ABCC1: variants seen among roughly 807,000 people sequenced by gnomAD.
ABCC1 encodes multidrug resistance-associated protein 1.
A neutral mutation model predicts 172.9 loss-of-function variants in ABCC1; 83 were observed. That is an observed-to-expected ratio of 0.48 (90% CI 0.40 to 0.58). ABCC1 has a LOEUF of 0.58. Ranked by LOEUF, ABCC1 falls within the 20% of genes least tolerant of loss-of-function variation. ABCC1 has a pLI of 0.00. For missense variants in ABCC1, 1,817 were observed against 2,002.7 expected (o/e 0.91, Z 1.77); for synonymous variants, 937 against 825.2 (o/e 1.14, Z -2.32).
chr16:16,035,741 C>T (rs1181421875), intron 6 of ABCC1, among the ~76,000 whole-genome samples: 2 of 151,946 alleles, frequency 1.3e-5, no homozygotes, highest in East Asian at 4.0e-4. Flanking sequence ...AAAATCCTCC[C>T]ACCTCGGCCT....
chr16:16,125,058 A>G, intron 25 of ABCC1, 143 bp downstream of exon 25: 1 of 1,202,450 alleles, frequency 8.3e-7, no homozygotes, highest in Non-Finnish European at 1.2e-6. Flanking sequence ...ACAGTGCCAC[A>G]GTGCCTGGTG....
intron 13 of ABCC1, among the ~76,000 whole-genome samples, chr16:16,068,586 C>G (rs2050204208): frequency 1.3e-5 from 2 of 152,200 alleles, no homozygotes; most frequent in African/African-American, 4.8e-5. Flanking sequence ...TTCTCTTCAG[C>G]CTGTTCCTCC....
chr16:15,999,171 GT>G (rs1016866270), intron 1 of ABCC1, among the ~76,000 whole-genome samples: 1 of 151,698 alleles, frequency 6.6e-6, no homozygotes, highest in Non-Finnish European at 1.5e-5. Context: ...TGGCTAATTT[GT>G]TTTTTAATAT....
chr16:16,074,783 G>A (rs1396441111), intron 14 of ABCC1, among the ~76,000 whole-genome samples: 1 of 152,054 alleles, frequency 6.6e-6, no homozygotes, highest in Non-Finnish European at 1.5e-5. Context: ...GTTAATCTAG[G>A]TTAACCAGCA....
intron 19 of ABCC1, among the ~76,000 whole-genome samples, chr16:16,101,680 C>A (rs780568641): frequency 6.6e-6 from 1 of 152,174 alleles, no homozygotes; most frequent in Non-Finnish European, 1.5e-5. Flanking sequence ...AAGAATGAGG[C>A]AGTCAGTGCG....
chr16:15,958,685 A>C (rs1288953870), intron 1 of ABCC1, among the ~76,000 whole-genome samples: 2 of 152,174 alleles, frequency 1.3e-5, no homozygotes, highest in Admixed American at 6.6e-5. Flanking sequence ...TCCTGAGGCA[A>C]GCTTCCCCCC....
chr16:16,098,388 G>T, intron 19 of ABCC1: 1 of 203,176 alleles, frequency 4.9e-6, no homozygotes, highest in South Asian at 9.8e-5. Flanking sequence ...GGAGGCCAAG[G>T]CAGGTGTATC....
chr16:16,029,026 A>T (rs560513812), intron 5 of ABCC1, among the ~76,000 whole-genome samples: 77 of 152,152 alleles, frequency 5.1e-4, no homozygotes, highest in African/African-American at 1.7e-3. Flanking sequence ...GGCACTTGGC[A>T]CTTAACAAAC....
At chr16:15,995,565 G>T (rs561318528) in intron 1 of ABCC1, among the ~76,000 whole-genome samples, 42 of 150,572 alleles carry the variant, frequency 2.8e-4, no homozygotes, top group African/African-American at 9.7e-4. Flanking sequence ...AAGTGAAATT[G>T]TGTGAGAGTG....
intron 3 of ABCC1, among the ~76,000 whole-genome samples, chr16:16,012,362 C>G (rs2047817049): frequency 6.6e-6 from 1 of 152,074 alleles, no homozygotes; most frequent in Admixed American, 6.6e-5. Context: ...AGAGCCTGGC[C>G]CTGTGCCTGG....
intron 15 of ABCC1, among the ~76,000 whole-genome samples, chr16:16,077,184 AAC>A (rs1370850712): frequency 1.3e-5 from 2 of 152,190 alleles, no homozygotes; most frequent in Non-Finnish European, 2.9e-5. Flanking sequence ...GAATCCGCAA[AAC>A]ACAGGGGTGA....
chr16:16,023,753 C>T (rs2048275143), intron 5 of ABCC1, among the ~76,000 whole-genome samples: 1 of 152,076 alleles, frequency 6.6e-6, no homozygotes, highest in Admixed American at 6.6e-5. Context: ...GCCTGGGGCT[C>T]CAGGGCTAGC....
intron 1 of ABCC1, among the ~76,000 whole-genome samples, chr16:15,965,466 G>T (rs1433229072): frequency 6.8e-6 from 1 of 146,654 alleles, no homozygotes; most frequent in Non-Finnish European, 1.5e-5. Context: ...TAATTTTTTT[G>T]TGTTTTTAGT....
At chr16:16,108,590 A>AT (rs2052247306) in intron 21 of ABCC1, among the ~76,000 whole-genome samples, 1 of 130,940 alleles carries the variant, frequency 7.6e-6, no homozygotes, top group Non-Finnish European at 1.6e-5. Flanking sequence ...TTTTTTTTTA[A>AT]TTTGTTTTCT....
intron 18 of ABCC1, 88 bp from the exon 19 acceptor site, chr16:16,090,317 G>C: frequency 7.2e-7 from 1 of 1,385,034 alleles, no homozygotes; most frequent in Admixed American, 2.8e-5. Flanking sequence ...GTGTTCGTCG[G>C]CTCATTCCTC....
intron 7 of ABCC1, among the ~76,000 whole-genome samples, chr16:16,042,388 T>G: frequency 6.6e-6 from 1 of 151,980 alleles, no homozygotes; most frequent in East Asian, 1.9e-4. Flanking sequence ...TCTGCACAAC[T>G]GAATACTAAG....
chr16:16,000,374 G>GTCA (rs2047263541), intron 1 of ABCC1, among the ~76,000 whole-genome samples: 1 of 151,274 alleles, frequency 6.6e-6, no homozygotes, highest in African/African-American at 2.4e-5. Flanking sequence ...TGAACTCCTG[G>GTCA]GCTCAAGTGA....
At chr16:16,140,633 G>T (rs1165709419) in intron 30 of ABCC1, among the ~76,000 whole-genome samples, 1 of 152,166 alleles carries the variant, frequency 6.6e-6, no homozygotes, top group Non-Finnish European at 1.5e-5. Flanking sequence ...AAATATTAGG[G>T]GTCAGCCAAC....
intron 1 of ABCC1, among the ~76,000 whole-genome samples, chr16:15,983,873 G>C (rs1029421434): frequency 6.6e-6 from 1 of 151,892 alleles, no homozygotes; most frequent in Non-Finnish European, 1.5e-5. Context: ...ATATTTTAAA[G>C]ACTAAATTCC....
Sources: gnomAD v4.1 joint callset for allele counts (sites outside exome capture counted in the v4.1 genomes callset) on GRCh38, gnomAD v4.1.1 for gene constraint, MANE v1.5 for transcripts, NCBI Gene and HGNC (gene_info 2026-07-23, HGNC 2026-07-21) for gene names.